The following THSD7A variants were observed in gnomAD, a reference collection of about 807,000 sequenced individuals.
THSD7A encodes thrombospondin type 1 domain containing 7A, also known as thrombospondin type-1 domain-containing protein 7A.
Under a neutral mutation model 231.3 loss-of-function variants are expected in THSD7A, and 96 were observed. The observed-to-expected ratio is 0.41, with a 90% CI of 0.35 to 0.49. The LOEUF is 0.49. THSD7A is among the 20% of genes least tolerant of loss of function. The pLI, the probability that THSD7A is intolerant of heterozygous loss-of-function variation, is 0.05. For synonymous variants in THSD7A, 940 were observed against 743.3 expected, an observed-to-expected ratio of 1.26 and a Z score of -4.30; for missense variants, 2,290 against 2,070.2, an observed-to-expected ratio of 1.11 and a Z score of -2.06.
At chr7:11,548,106 T>C (rs1371871794) in intron 4 of THSD7A, among the ~76,000 whole-genome samples, 2 of 151,942 alleles carry the variant, frequency 1.3e-5, no homozygotes, top group African/African-American at 2.4e-5. Context: ...GATTGATAGA[T>C]TGCTAGCTAG....
chr7:11,421,415 G>T (rs76211968), intron 16 of THSD7A, among the ~76,000 whole-genome samples: 1 of 151,374 alleles, frequency 6.6e-6, no homozygotes, highest in East Asian at 1.9e-4. Flanking sequence ...ATGATTGTAA[G>T]TTTCCTGAAG....
chr7:11,825,703 A>T (rs758979852), intron 1 of THSD7A, among the ~76,000 whole-genome samples: 26 of 152,170 alleles, frequency 1.7e-4, no homozygotes, highest in Non-Finnish European at 1.6e-4. Context: ...ATTAATCCAT[A>T]TTGGAGATGA....
intron 4 of THSD7A, among the ~76,000 whole-genome samples, chr7:11,552,000 A>C (rs905799732): frequency 3.9e-5 from 6 of 152,138 alleles, no homozygotes; most frequent in African/African-American, 1.4e-4. Flanking sequence ...AAAGAAAGAA[A>C]TCATGTCCTT....
At chr7:11,644,538 G>T (rs1046802274) in intron 1 of THSD7A, among the ~76,000 whole-genome samples, 4 of 151,880 alleles carry the variant, frequency 2.6e-5, no homozygotes, top group African/African-American at 9.7e-5. Flanking sequence ...TCAGTTTGGT[G>T]GATAAGGAGA....
chr7:11,717,920 A>T (rs1261740641), intron 1 of THSD7A, among the ~76,000 whole-genome samples: 2 of 151,574 alleles, frequency 1.3e-5, no homozygotes, highest in Admixed American at 6.6e-5. Flanking sequence ...CTTCTAGATA[A>T]TCCATTCTAG....
chr7:11,543,155 A>C (rs751851598), intron 4 of THSD7A, 38 bp from the exon 5 acceptor site: 1 of 1,577,296 alleles, frequency 6.3e-7, no homozygotes, highest in Non-Finnish European at 8.7e-7. Flanking sequence ...AAAATGAACA[A>C]AAGGAACATA....
intron 1 of THSD7A, among the ~76,000 whole-genome samples, chr7:11,806,653 C>A (rs1421168977): frequency 6.6e-6 from 1 of 152,110 alleles, no homozygotes; most frequent in Non-Finnish European, 1.5e-5. Context: ...TTTTGTCCAG[C>A]AGTTCTTAGA....
intron 6 of THSD7A, among the ~76,000 whole-genome samples, chr7:11,513,018 T>C (rs142237740): frequency 0.043 from 6,238 of 145,810 alleles, 166 homozygotes; most frequent in South Asian, 0.074. Context: ...ATGACCTGGA[T>C]GAGATTGGAG....
chr7:11,495,315 G>A (rs1176644248), intron 6 of THSD7A, among the ~76,000 whole-genome samples: 1 of 151,988 alleles, frequency 6.6e-6, no homozygotes, highest in African/African-American at 2.4e-5. Context: ...AATGCAGTAA[G>A]TAGGTAAACT....
intron 13 of THSD7A, among the ~76,000 whole-genome samples, chr7:11,430,966 G>A (rs1352156023): frequency 1.3e-5 from 2 of 152,114 alleles, no homozygotes; most frequent in Non-Finnish European, 2.9e-5. Context: ...TTGTTTACAA[G>A]CTTCTGTGTG....
intron 1 of THSD7A, among the ~76,000 whole-genome samples, chr7:11,702,398 A>G (rs1247981305): frequency 2.0e-5 from 3 of 151,236 alleles, no homozygotes; most frequent in Non-Finnish European, 3.0e-5. Flanking sequence ...GTTTGTCAGT[A>G]GGGGGTAACC....
intron 1 of THSD7A, among the ~76,000 whole-genome samples, chr7:11,694,381 T>C (rs910722997): frequency 6.6e-6 from 1 of 151,568 alleles, no homozygotes; most frequent in Non-Finnish European, 1.5e-5. Context: ...GATTCAGATA[T>C]AGTACCATTC....
intron 2 of THSD7A, among the ~76,000 whole-genome samples, chr7:11,610,737 T>C (rs760399421): frequency 8.3e-4 from 126 of 152,198 alleles, no homozygotes; most frequent in Non-Finnish European, 1.3e-3. Flanking sequence ...AAAACCAACA[T>C]CTTTAGATAA....
At position 11,411,441 on chromosome 7, in the gene THSD7A, A is replaced by C; in HGVS notation, c.3683-119T>G. The stretch of plus-strand genomic sequence containing the variant: ...AACTGCTTCCTAAGCCCCATAATCA[A>C]TCATCCCCCATGCAGAGCATATGGG... On this transcript the variant is annotated intron_variant, in intron 18 of 27. Coordinates refer to ENST00000423059, the MANE Select transcript of THSD7A (RefSeq NM_015204.3). This position sits in a 1 kb window ranked among gnomAD's most constrained non-coding sequence, Gnocchi z 4.1. The C allele has an allele frequency of 1.5e-6, 1 of 673,648 alleles. No individual in the cohort carries two copies. Among genetic ancestry groups the C allele is most frequent in the Non-Finnish European group, 2.5e-6 (1 of 392,176 alleles). The allele number at this position is 673,648 out of a possible 1,614,324, so 41.7% of individuals were successfully genotyped here.
chr7:11,401,676 CGTTGGGATTACAG>C (rs1783407838), intron 23 of THSD7A, 106 bp downstream of exon 23: 1 of 905,754 alleles, frequency 1.1e-6, no homozygotes, highest in Non-Finnish European at 1.6e-6. Context: ...CCTCCCAAAG[CGTTGGGATTACAG>C]GCGTGAGCCA....
At chr7:11,756,850 G>C (rs1782694609) in intron 1 of THSD7A, among the ~76,000 whole-genome samples, 1 of 151,990 alleles carries the variant, frequency 6.6e-6, no homozygotes, top group South Asian at 2.1e-4. Context: ...ACAGCATTTT[G>C]TTTTAAAGAG....
intron 6 of THSD7A, among the ~76,000 whole-genome samples, chr7:11,517,373 C>A (rs567166104): frequency 6.6e-6 from 1 of 152,022 alleles, no homozygotes; most frequent in Non-Finnish European, 1.5e-5. Flanking sequence ...CCACCATGCC[C>A]GGCCCCCATA....
At position 11,377,274 on chromosome 7, in the gene THSD7A, C is replaced by T. The variant is rs1435856803; in HGVS notation, c.4802-617G>A. Among the ~76,000 whole-genome samples, 2 of 151,704 alleles carry T rather than the reference C, an allele frequency of 1.3e-5. No individual in the cohort carries two copies. Among genetic ancestry groups the T allele is most frequent in the South Asian group, 2.1e-4 (1 of 4,812 alleles). ...GGATCTATAAATAATTTTTTTTCTA[C>T]CTTTTCTATTATATGGAATCAGACA... On this transcript the variant is annotated intron_variant, in intron 26 of 27. Coordinates refer to ENST00000423059, the MANE Select transcript of THSD7A (RefSeq NM_015204.3). The surrounding 1 kb of genome is among the most constrained non-coding windows in gnomAD (Gnocchi z 4.5).
chr7:11,744,975 G>A (rs573268800), intron 1 of THSD7A, among the ~76,000 whole-genome samples: 217 of 152,036 alleles, frequency 1.4e-3, no homozygotes, highest in African/African-American at 5.2e-3. Flanking sequence ...GGATGGCTGG[G>A]TCAAATGGTA....
Sources: gnomAD v4.1 joint callset for allele counts (sites outside exome capture counted in the v4.1 genomes callset) on GRCh38, gnomAD v4.1.1 for gene constraint, Gnocchi (gnomAD v3.1) non-coding constraint, MANE v1.5 for transcripts, NCBI Gene and HGNC (gene_info 2026-07-23, HGNC 2026-07-21) for gene names.